NODAL: variants seen among roughly 807,000 people sequenced by gnomAD.
NODAL encodes nodal growth differentiation factor, also known as nodal homolog.
Under a neutral mutation model 34.0 loss-of-function variants are expected in NODAL, and 12 were observed. The observed-to-expected ratio is 0.35, with a 90% CI of 0.23 to 0.57. The LOEUF (loss-of-function observed/expected upper bound fraction) is 0.57, where lower values mean the gene tolerates loss of function less well. Ranked by LOEUF, NODAL falls within the 20% of genes least tolerant of loss-of-function variation. The pLI is 0.83. For synonymous variants in NODAL, 162 were observed against 186.4 expected (o/e 0.87, Z 1.07); for missense variants, 390 against 444.2 (o/e 0.88, Z 1.10).
chr10:70,443,520 TA>T (rs912578252), upstream of NODAL, among the ~76,000 whole-genome samples: 84 of 146,058 alleles, frequency 5.8e-4, no homozygotes, highest in Middle Eastern at 3.6e-3. Context: ...AGACCCTCTT[TA>T]AAAAAAAAAA....
At chr10:70,447,575 G>A (rs1845501793) in intron 1 of NODAL, among the ~76,000 whole-genome samples, 2 of 151,858 alleles carry the variant, frequency 1.3e-5, no homozygotes, top group Non-Finnish European at 2.9e-5. Context: ...TACTTGGGAG[G>A]CTGAGATGGC....
intron 1 of NODAL, among the ~76,000 whole-genome samples, chr10:70,438,224 G>T (rs1027566437): frequency 2.6e-5 from 4 of 152,176 alleles, no homozygotes; most frequent in African/African-American, 9.7e-5. Flanking sequence ...AACCCAGGAG[G>T]TGGAGGTTGC....
At chr10:70,436,805 T>G (rs1412900862) in intron 1 of NODAL, among the ~76,000 whole-genome samples, 1 of 152,128 alleles carries the variant, frequency 6.6e-6, no homozygotes, top group Non-Finnish European at 1.5e-5. Flanking sequence ...TTCACACACC[T>G]GGGGCACACA....
chr10:70,447,948 G>C (rs751151493), exon 1 of NODAL: 44 of 470,974 alleles, frequency 9.3e-5, no homozygotes, highest in Non-Finnish European at 1.8e-4. Flanking sequence ...CCCAACTGTT[G>C]GTCTTGGAGG....
At chr10:70,440,675 G>T (rs1260217967) in intron 1 of NODAL, among the ~76,000 whole-genome samples, 1 of 152,168 alleles carries the variant, frequency 6.6e-6, no homozygotes, top group Non-Finnish European at 1.5e-5. Flanking sequence ...CCCAGAACGC[G>T]CTGCCAGGTC....
chr10:70,436,058 C>CATAG, intron 1 of NODAL, 75 bp from the exon 2 acceptor site: 2 of 1,255,236 alleles, frequency 1.6e-6, no homozygotes, highest in South Asian at 1.2e-5. Context: ...TCACAACCAC[C>CATAG]ATAGCTCTTG....
In NODAL at chr10:70,441,623, G is replaced by T; in HGVS notation, c.45C>A (p.Ala15=). 1 of 1,552,354 alleles carries T rather than the reference G, an allele frequency of 6.4e-7. No individual in the cohort carries two copies. Residue 15 remains alanine (A), a synonymous_variant, in exon 1 of 3, where the codon GCC becomes GCA. Coordinates refer to ENST00000287139, the MANE Select transcript of NODAL (RefSeq NM_018055.5). ...CCGTCGCAGCACCCGCCTGGAGTAG[G>T]GCCCACCAGGCGTGCAGAAGGAAGG... ...CLPFLLHAWW[A]LLQAGAATVA...
upstream of NODAL, among the ~76,000 whole-genome samples, chr10:70,444,879 G>A (rs556049309): frequency 7.2e-5 from 11 of 152,298 alleles, no homozygotes; most frequent in South Asian, 1.7e-3. Flanking sequence ...CCAGCCTAGA[G>A]ACTCAGCCTC....
At chr10:70,445,494 G>A (rs1320116972), upstream of NODAL, among the ~76,000 whole-genome samples, 3 of 152,156 alleles carry the variant, frequency 2.0e-5, no homozygotes, top group Non-Finnish European at 1.5e-5. Context: ...TCCTGATCTT[G>A]TGATCCACCC....
intron 1 of NODAL, among the ~76,000 whole-genome samples, chr10:70,447,109 T>G (rs10823545): frequency 6.8e-6 from 1 of 147,786 alleles, no homozygotes; most frequent in Non-Finnish European, 1.5e-5. Flanking sequence ...GAATCTCACT[T>G]TGTCTCCAGG....
At chr10:70,444,121 T>A (rs1183885308), upstream of NODAL, among the ~76,000 whole-genome samples, 2 of 151,752 alleles carry the variant, frequency 1.3e-5, no homozygotes, top group African/African-American at 4.8e-5. Flanking sequence ...TTATTAGAGA[T>A]GGGGTTTTGC....
At chr10:70,443,595 T>G (rs969387849), upstream of NODAL, among the ~76,000 whole-genome samples, 24 of 152,010 alleles carry the variant, frequency 1.6e-4, no homozygotes, top group African/African-American at 5.3e-4. Flanking sequence ...ATCCTAGCAC[T>G]TTGGGAGGCT....
At chr10:70,441,409 G>T in intron 1 of NODAL, 66 bp downstream of exon 1, 1 of 1,513,238 alleles carries the variant, frequency 6.6e-7, no homozygotes, top group Non-Finnish European at 8.9e-7. Context: ...TCCCGAGTCC[G>T]CTGGCTGGAC....
chr10:70,446,436 C>G (rs1024799661), upstream of NODAL, among the ~76,000 whole-genome samples: 1 of 152,144 alleles, frequency 6.6e-6, no homozygotes, highest in African/African-American at 2.4e-5. Context: ...GAAGCTTCTG[C>G]TTGCTCAGCT....
rs1420930959 is a variant in NODAL at position 70,432,771 on chromosome 10, A to G, written c.*165T>C. On this transcript the variant is annotated 3_prime_UTR_variant, in exon 3 of 3. Coordinates refer to ENST00000287139, the MANE Select transcript of NODAL (RefSeq NM_018055.5). ...CTCTGTGCTTGGCCAGACTCCACTG[A>G]GCCCTTCATTTACAGAGTGGGCAGC... 1.3e-6 allele frequency: 1 copy of G among 755,514 alleles called. No homozygotes were observed. The highest frequency in any genetic ancestry group is 1.5e-5 in the South Asian group (1 of 66,338). The allele number at this position is 755,514 out of a possible 1,614,324, so 46.8% of individuals were successfully genotyped here.
At chr10:70,442,544 G>A (rs1278928818), upstream of NODAL, among the ~76,000 whole-genome samples, 4 of 152,156 alleles carry the variant, frequency 2.6e-5, no homozygotes, top group African/African-American at 7.2e-5. Context: ...TCCCTTCCAG[G>A]TGCAAAGTCA....
At chr10:70,436,015 G>C in intron 1 of NODAL, 32 bp from the exon 2 acceptor site, 80 of 1,572,732 alleles carry the variant, frequency 5.1e-5, no homozygotes, top group Non-Finnish European at 6.5e-5. Flanking sequence ...AGGAAGGAGG[G>C]TGAGTGAGGG....
At chr10:70,444,443 C>T (rs1826744016), upstream of NODAL, among the ~76,000 whole-genome samples, 1 of 151,982 alleles carries the variant, frequency 6.6e-6, no homozygotes, top group African/African-American at 2.4e-5. Flanking sequence ...GATTCTCCTG[C>T]CTCAGTAGCT....
chr10:70,441,961 T>A (rs1845437437), upstream of NODAL, among the ~76,000 whole-genome samples: 1 of 152,140 alleles, frequency 6.6e-6, no homozygotes, highest in African/African-American at 2.4e-5. Context: ...AACGCCTTGA[T>A]GCTGAGACAG....
Sources: allele counts gnomAD v4.1 joint callset (sites outside exome capture counted in the v4.1 genomes callset), GRCh38; gene constraint gnomAD v4.1.1; transcripts MANE v1.5; gene names NCBI Gene and HGNC (gene_info 2026-07-23, HGNC 2026-07-21).